Variants in MAB21L4 observed in about 807,000 individuals in gnomAD.
The protein encoded by MAB21L4 is protein mab-21-like 4.
Under a neutral mutation model 32.4 loss-of-function variants are expected in MAB21L4, and 25 were observed. The observed-to-expected ratio is 0.77, with a 90% confidence interval of 0.56 to 1.08. The LOEUF (loss-of-function observed/expected upper bound fraction) is 1.08, where lower values mean the gene tolerates loss of function less well. MAB21L4 is among the 50% of genes least tolerant of loss of function. The pLI is 0.00. For synonymous variants in MAB21L4, 280 were observed against 276.8 expected (o/e 1.01, Z -0.11); for missense variants, 638 against 611.0 (o/e 1.04, Z -0.47).
rs138151492 is a variant in MAB21L4 at position 240,888,789 on chromosome 2, G to A, written c.895-141C>T. On this transcript the variant is annotated intron_variant, in intron 3 of 4. Transcript: ENST00000388934. Reference sequence around the variant, plus strand: ...TCCTACCCTGTGCCCTCCCCTCCACGTCCCAGTCGGAGTCCCAGGCCCCTC... The same window carrying A: ...TCCTACCCTGTGCCCTCCCCTCCACATCCCAGTCGGAGTCCCAGGCCCCTC... The A allele has an allele frequency of 3.3e-4, 185 of 557,570 alleles. No individual in the cohort carries two copies. In the African/African-American group the frequency reaches 3.5e-3, roughly 11 times the overall value. 34.5% of individuals were successfully genotyped at this position (557,570 alleles called of 1,614,324 possible). A position where few individuals can be genotyped will look rare whatever the true frequency, so the allele number is the denominator to read the frequency against.
At chr2:240,890,224 T>C (rs2059132304) in intron 2 of MAB21L4, 66 bp from the exon 3 acceptor site, 4 of 1,539,472 alleles carry the variant, frequency 2.6e-6, no homozygotes, top group Non-Finnish European at 3.5e-6. Flanking sequence ...GGGGAGCTTC[T>C]GAGCCCCGGA....
intron 2 of MAB21L4, among the ~76,000 whole-genome samples, chr2:240,890,654 C>A (rs1359937664): frequency 6.6e-6 from 1 of 152,200 alleles, no homozygotes; most frequent in Non-Finnish European, 1.5e-5. Flanking sequence ...GGAGCCTTGG[C>A]AATGCACCCT....
In MAB21L4 at chr2:240,888,294, T is replaced by C; in HGVS notation, c.1249A>G (p.Lys417Glu). The C allele has an allele frequency of 1.3e-6, 2 of 1,553,304 alleles. No homozygotes were observed. The highest frequency in any genetic ancestry group is 1.7e-6 in the Non-Finnish European group (2 of 1,155,060). ...ATAYFDVLLD[K>E]FQVFNIQDKD... The stretch of plus-strand genomic sequence containing the variant: ...AGGCCCCCGCAGCCAGCACCCACCT[T>C]GTCCAGCAGGACGTCGAAGTAGGCA... The change falls in exon 4 of 5, where the codon AAG (lysine) becomes GAG (glutamate). Residue 417 changes from lysine (K) to glutamate (E), a missense_variant and splice_region_variant. Coordinates refer to ENST00000388934, the MANE Select transcript of MAB21L4 (RefSeq NM_001085437.3).
At chr2:240,888,753 C>T in intron 3 of MAB21L4, 105 bp from the exon 4 acceptor site, 1 of 766,098 alleles carries the variant, frequency 1.3e-6, no homozygotes, top group Non-Finnish European at 2.0e-6. Flanking sequence ...CCTGCTCCTA[C>T]CCACACCTCT....
At chr2:240,887,936 C>A (rs975991295) in intron 4 of MAB21L4, among the ~76,000 whole-genome samples, 2 of 152,136 alleles carry the variant, frequency 1.3e-5, no homozygotes, top group African/African-American at 4.8e-5. Context: ...CCAGGTAAGG[C>A]CATATCCCTT....
intron 3 of MAB21L4, 130 bp from the exon 4 acceptor site, chr2:240,888,778 C>T (rs1226841929): frequency 1.7e-6 from 1 of 603,612 alleles, no homozygotes; most frequent in Non-Finnish European, 2.6e-6. Context: ...ACCCTGTGCC[C>T]TCCCCTCCAC....
At chr2:240,887,259 C>T in intron 4 of MAB21L4, 97 bp from the exon 5 acceptor site, 1 of 1,015,872 alleles carries the variant, frequency 9.8e-7, no homozygotes, top group Non-Finnish European at 1.5e-6. Context: ...AACTGGCCCT[C>T]CCTGGGCCAT....
At chr2:240,889,869 C>T (rs1574723632) in intron 3 of MAB21L4, 136 bp downstream of exon 3, 1 of 1,071,448 alleles carries the variant, frequency 9.3e-7, no homozygotes, top group Non-Finnish European at 1.3e-6. Context: ...CTGGGCAGGC[C>T]CTCAGAATCC....
At position 240,887,280 on chromosome 2, in the gene MAB21L4, C is replaced by T. The variant is rs1007396896; in HGVS notation, c.1252-118G>A. The T allele has an allele frequency of 5.0e-6, 4 of 797,506 alleles. No homozygotes were observed. In the African/African-American group the frequency reaches 6.8e-5, roughly 14 times the overall value. The allele number at this position is 797,506 out of a possible 1,614,324, so 49.4% of individuals were successfully genotyped here. A position where few individuals can be genotyped will look rare whatever the true frequency, so the allele number is the denominator to read the frequency against. On this transcript the variant is annotated intron_variant, in intron 4 of 4. Transcript: ENST00000388934. ...CCCTCCCTGGGCCATGCCGGGCCTT[C>T]CTGCCCCGGGTATCTGCCTGGACAG...
Position 240,887,073 on chromosome 2 carries a change from G to A in MAB21L4, c.1341C>T (p.Ser447=). ...QKTRTLGGEE[S] ...GGCTGAGACCAGGTGGCCCAGCTCA[G>A]CTCTCCTCGCCTCCCAGAGTCCTGG... Residue 447 remains serine, a synonymous_variant, in exon 5 of 5, where the codon AGC becomes AGT. Transcript: ENST00000388934. 6.2e-7 allele frequency: 1 copy of A among 1,613,760 alleles called. No individual in the cohort carries two copies. The highest frequency in any genetic ancestry group is 8.5e-7 in the Non-Finnish European group (1 of 1,179,700).
rs774886970 is a variant in MAB21L4 at position 240,888,542 on chromosome 2, G to T, written c.1001C>A (p.Thr334Lys). The T allele has an allele frequency of 3.1e-6, 5 of 1,608,652 alleles. No homozygotes were observed. The highest frequency in any genetic ancestry group is 1.7e-4 in the Middle Eastern group (1 of 6,054). The change falls in exon 4 of 5, where the codon ACG (threonine) becomes AAG (lysine). Residue 334 changes from threonine (T) to lysine (K), a missense_variant. Thr to Lys is a moderately conservative substitution (Grantham distance 78, BLOSUM62 -1). Transcript: ENST00000388934. ...LLVVLLCCLATRKLPHFLHPQ... is the reference protein window; with the variant it reads ...LLVVLLCCLAKRKLPHFLHPQ... ...GTGGAGGAAGTGGGGCAGCTTCCGCGTGGCCAGGCAACAGAGCAGCACCAC... is the reference window on the plus strand; with the variant it reads ...GTGGAGGAAGTGGGGCAGCTTCCGCTTGGCCAGGCAACAGAGCAGCACCAC...
At chr2:240,894,481 C>T (rs1392975840) in intron 1 of MAB21L4, among the ~76,000 whole-genome samples, 1 of 152,186 alleles carries the variant, frequency 6.6e-6, no homozygotes. Flanking sequence ...GAGCCCTGGG[C>T]TCAGACTCAC....
intron 4 of MAB21L4, 27 bp from the exon 5 acceptor site, chr2:240,887,189 G>T (rs2059103080): frequency 1.3e-6 from 2 of 1,584,446 alleles, no homozygotes; most frequent in South Asian, 1.1e-5. Flanking sequence ...AGGGGAGAAG[G>T]GTTACAGGGA....
intron 2 of MAB21L4, 96 bp from the exon 3 acceptor site, chr2:240,890,254 G>A (rs2059133351): frequency 6.9e-7 from 1 of 1,441,650 alleles, no homozygotes; most frequent in Non-Finnish European, 9.2e-7. Context: ...CCTGGCCAGG[G>A]TCGTGCTGTG....
At chr2:240,896,369 G>T (rs10169870), upstream of MAB21L4, among the ~76,000 whole-genome samples, 2 of 151,918 alleles carry the variant, frequency 1.3e-5, no homozygotes, top group East Asian at 3.9e-4. Flanking sequence ...AAATATTGCC[G>T]CTGGACTGTG....
chr2:240,894,603 G>C (rs952473286), intron 1 of MAB21L4, among the ~76,000 whole-genome samples: 1 of 152,146 alleles, frequency 6.6e-6, no homozygotes, highest in African/African-American at 2.4e-5. Flanking sequence ...TCAGAAGTTC[G>C]AGACCAGCCT....
rs2059174129 is a variant in MAB21L4 at position 240,894,474 on chromosome 2, C to G, written c.514+1010G>C. Among the ~76,000 whole-genome samples the G allele has an allele frequency of 2.0e-5, 3 of 152,176 alleles. No homozygotes were observed. The South Asian group carries it at 6.2e-4, about 32-fold the overall frequency. The stretch of plus-strand genomic sequence containing the variant: ...GTCCAGGCAGCCCCTGCTGAAGGAG[C>G]CCTGGGCTCAGACTCACCCTGGACC... On this transcript the variant is annotated intron_variant, in intron 1 of 4. Transcript: ENST00000388934.
chr2:240,889,868 C>A, intron 3 of MAB21L4, 137 bp downstream of exon 3: 1 of 1,039,804 alleles, frequency 9.6e-7, no homozygotes, highest in South Asian at 1.9e-5. Flanking sequence ...CCTGGGCAGG[C>A]CCTCAGAATC....
chr2:240,889,032 C>A (rs2059122527), intron 3 of MAB21L4, among the ~76,000 whole-genome samples: 2 of 152,136 alleles, frequency 1.3e-5, no homozygotes, highest in Non-Finnish European at 2.9e-5. Context: ...ACCCAACGGG[C>A]CCATGGCATT....
Sources: gnomAD v4.1 joint callset for allele counts (sites outside exome capture counted in the v4.1 genomes callset) on GRCh38, gnomAD v4.1.1 for gene constraint, MANE v1.5 for transcripts, NCBI Gene and HGNC (gene_info 2026-07-23, HGNC 2026-07-21) for gene names.